The following ZNF827 variants were observed in gnomAD, a reference collection of about 807,000 sequenced individuals.
The protein encoded by ZNF827 is zinc finger protein 827.
A neutral mutation model predicts 102.4 loss-of-function variants in ZNF827; 13 were observed. The ratio of observed to expected loss-of-function variants is 0.13; its 90% CI spans 0.08 to 0.20. The LOEUF (loss-of-function observed/expected upper bound fraction) is 0.20, where lower values mean the gene tolerates loss of function less well. Ranked by LOEUF, ZNF827 falls within the 10% of genes least tolerant of loss-of-function variation. The pLI is 1.00. For synonymous variants in ZNF827, 523 were observed against 536.2 expected (o/e 0.98, Z 0.34); for missense variants, 1,103 against 1,344.4 (o/e 0.82, Z 2.81).
In ZNF827 at chr4:145,938,612, T is replaced by A. The variant is rs1434007791; in HGVS notation, c.-205A>T. ...GAGGGGTTTTCTTCTTTTCTTTCCT[T>A]TCTTTTTTCCTTTTTTTTTTTTTTT... On this transcript the variant is annotated 5_prime_UTR_variant, in exon 1 of 15. Transcript: ENST00000508784. 1.8e-6 allele frequency: 1 copy of A among 540,986 alleles called. No individual in the cohort carries two copies. The highest frequency in any genetic ancestry group is 2.0e-5 in the African/African-American group (1 of 49,662). The allele number at this position is 540,986 out of a possible 1,614,324, so 33.5% of individuals were successfully genotyped here.
intron 7 of ZNF827, among the ~76,000 whole-genome samples, chr4:145,835,809 G>A (rs989785744): frequency 7.0e-6 from 1 of 141,898 alleles, no homozygotes; most frequent in African/African-American, 2.6e-5. Flanking sequence ...GCCTTTTAAA[G>A]ACTATAAACT....
chr4:145,936,008 G>A (rs1439368751), intron 1 of ZNF827, among the ~76,000 whole-genome samples: 1 of 151,844 alleles, frequency 6.6e-6, no homozygotes, highest in African/African-American at 2.4e-5. Flanking sequence ...GAGAAGAGAA[G>A]AAAGGGAAAA....
intron 8 of ZNF827, among the ~76,000 whole-genome samples, chr4:145,801,611 GTTTC>G (rs968500718): frequency 6.6e-6 from 1 of 152,168 alleles, no homozygotes; most frequent in Non-Finnish European, 1.5e-5. Flanking sequence ...GTCAACTTGT[GTTTC>G]TTTCAAATCA....
intron 8 of ZNF827, among the ~76,000 whole-genome samples, chr4:145,806,602 G>A (rs556264693): frequency 6.6e-6 from 1 of 152,178 alleles, no homozygotes; most frequent in African/African-American, 2.4e-5. Context: ...GACACTGGCA[G>A]AGAAGAATGA....
intron 1 of ZNF827, among the ~76,000 whole-genome samples, chr4:145,917,720 AAAAAAAGAAAAG>A (rs1292514069): frequency 6.8e-6 from 1 of 147,224 alleles, no homozygotes; most frequent in African/African-American, 2.6e-5. Flanking sequence ...AAAAAAAAAA[AAAAAAAGAAAAG>A]AAAAAACAAC....
chr4:145,767,731 A>G (rs1029256593), intron 11 of ZNF827, among the ~76,000 whole-genome samples: 6 of 152,244 alleles, frequency 3.9e-5, no homozygotes, highest in Non-Finnish European at 5.9e-5. Context: ...ACTGAAAGAT[A>G]CACTGTCAAC....
chr4:145,875,005 G>A lies in ZNF827; in HGVS notation c.1748-4527C>T, dbSNP rs556861370. ...CAAGATAAAGGCAAATGTGGGAAAG[G>A]AATGGGAAAGCTGCTGGGATAAGAT... On this transcript the variant is annotated intron_variant, in intron 4 of 14. Coordinates refer to ENST00000508784, the MANE Select transcript of ZNF827 (RefSeq NM_001306215.2). 2.2e-4 allele frequency among the ~76,000 whole-genome samples: 34 copies of A among 152,320 alleles called. 1 individual carries two copies. The East Asian group carries it at 5.0e-3, about 22-fold the overall frequency.
intron 1 of ZNF827, among the ~76,000 whole-genome samples, chr4:145,933,345 A>C (rs943657548): frequency 4.6e-5 from 7 of 152,092 alleles, no homozygotes; most frequent in African/African-American, 1.7e-4. Context: ...TGAGACTCAA[A>C]TTTTTTCTCA....
intron 7 of ZNF827, chr4:145,835,302 C>T (rs1039390912): frequency 6.6e-6 from 1 of 152,104 alleles, no homozygotes; most frequent in African/African-American, 2.4e-5. Context: ...AAGGTAAGCC[C>T]GTCCCCTTCT....
At chr4:145,784,188 C>T (rs1198048473) in intron 8 of ZNF827, among the ~76,000 whole-genome samples, 1 of 152,128 alleles carries the variant, frequency 6.6e-6, no homozygotes, top group Non-Finnish European at 1.5e-5. Flanking sequence ...CAATTAAAAC[C>T]CTTTCATTGT....
intron 5 of ZNF827, among the ~76,000 whole-genome samples, chr4:145,868,161 G>A (rs1748370343): frequency 6.6e-6 from 1 of 152,126 alleles, no homozygotes; most frequent in Non-Finnish European, 1.5e-5. Context: ...CTATTGTTAT[G>A]ACTAAAAAAC....
At position 145,760,792 on chromosome 4, in the gene ZNF827, G is replaced by A; in HGVS notation, c.*824C>T. ...ACATGGCTGCCCTCAGACAGTCTCTGCTCTTTCTCTCAGTCCGAGATAGGC... is the reference window on the plus strand; with the variant it reads ...ACATGGCTGCCCTCAGACAGTCTCTACTCTTTCTCTCAGTCCGAGATAGGC... On this transcript the variant is annotated 3_prime_UTR_variant, in exon 15 of 15. Transcript: ENST00000508784. 4 of 1,171,926 alleles carry A rather than the reference G, an allele frequency of 3.4e-6. No homozygotes were observed. The highest frequency in any genetic ancestry group is 1.7e-5 in the South Asian group (1 of 60,390). The allele number at this position is 1,171,926 out of a possible 1,614,324, so 72.6% of individuals were successfully genotyped here. A position where few individuals can be genotyped will look rare whatever the true frequency, so the allele number is the denominator to read the frequency against.
At chr4:145,914,605 A>G (rs749327148) in intron 1 of ZNF827, among the ~76,000 whole-genome samples, 11 of 152,244 alleles carry the variant, frequency 7.2e-5, no homozygotes, top group African/African-American at 2.7e-4. Flanking sequence ...TGGTACACAC[A>G]GAAGTCAACA....
chr4:145,882,945 C>T (rs1480055525), intron 4 of ZNF827, among the ~76,000 whole-genome samples: 1 of 152,152 alleles, frequency 6.6e-6, no homozygotes, highest in Non-Finnish European at 1.5e-5. Context: ...AGCCGCAGCT[C>T]CCTGGGATTT....
At chr4:145,800,591 G>A (rs981072992) in intron 8 of ZNF827, among the ~76,000 whole-genome samples, 2 of 152,128 alleles carry the variant, frequency 1.3e-5, no homozygotes, top group Non-Finnish European at 1.5e-5. Flanking sequence ...GCTGGTCCCT[G>A]AGTCTTAGTT....
intron 7 of ZNF827, among the ~76,000 whole-genome samples, chr4:145,836,354 T>C (rs1744837588): frequency 1.3e-5 from 2 of 152,298 alleles, no homozygotes; most frequent in Non-Finnish European, 2.9e-5. Flanking sequence ...GCCAAACAAC[T>C]TGACCTTACT....
intron 7 of ZNF827, chr4:145,832,326 CACACACACAG>C (rs1168689533): frequency 1.7e-4 from 26 of 150,094 alleles, no homozygotes; most frequent in African/African-American, 6.2e-4. Flanking sequence ...CACACACACA[CACACACACAG>C]AGCAAATACA....
rs748238049 is a variant in ZNF827 at position 145,765,509 on chromosome 4, C to T, written c.3052+38G>A. Reference sequence around the variant, plus strand: ...TCTCAAGAATGGGTCATCCTGGGTGCGGAGGGTTGAGCAGGCTCACACCCA... The same window carrying T: ...TCTCAAGAATGGGTCATCCTGGGTGTGGAGGGTTGAGCAGGCTCACACCCA... On this transcript the variant is annotated intron_variant, in intron 12 of 14. Coordinates refer to ENST00000508784, the MANE Select transcript of ZNF827 (RefSeq NM_001306215.2). The surrounding 1 kb of genome is among the most constrained non-coding windows in gnomAD (Gnocchi z 4.7). 2.4e-5 allele frequency: 37 copies of T among 1,572,886 alleles called. No homozygotes were observed. The highest frequency in any genetic ancestry group is 2.9e-5 in the Non-Finnish European group (34 of 1,160,622).
chr4:145,910,750 C>T (rs1211741001), intron 1 of ZNF827, among the ~76,000 whole-genome samples: 2 of 152,174 alleles, frequency 1.3e-5, no homozygotes, highest in Admixed American at 6.5e-5. Context: ...CATCCCTAAT[C>T]ATCTCCTTGT....
Sources: gnomAD v4.1 joint callset for allele counts (sites outside exome capture counted in the v4.1 genomes callset) on GRCh38, gnomAD v4.1.1 for gene constraint, Gnocchi (gnomAD v3.1) non-coding constraint, MANE v1.5 for transcripts, NCBI Gene and HGNC (gene_info 2026-07-23, HGNC 2026-07-21) for gene names.